NAALADL2: variants seen among roughly 807,000 people sequenced by gnomAD.
NAALADL2 encodes inactive N-acetylated-alpha-linked acidic dipeptidase-like protein 2.
NAALADL2 carries 76 observed loss-of-function variants against 87.2 expected under a neutral mutation model. The ratio of observed to expected loss-of-function variants is 0.87; its 90% confidence interval spans 0.72 to 1.05. The LOEUF (loss-of-function observed/expected upper bound fraction) is 1.05. Ranked by LOEUF, NAALADL2 falls within the 50% of genes least tolerant of loss-of-function variation. The probability of loss-of-function intolerance (pLI) is 0.00; values close to 1 mark genes in which losing one functional copy is unlikely to be tolerated. For missense variants in NAALADL2, 1,089 were observed against 945.8 expected, an observed-to-expected ratio of 1.15 and a Z score of -1.99; for synonymous variants, 354 against 331.0, an observed-to-expected ratio of 1.07 and a Z score of -0.75.
At chr3:175,492,555 G>A (rs539837533) in intron 9 of NAALADL2, among the ~76,000 whole-genome samples, 1 of 152,192 alleles carries the variant, frequency 6.6e-6, no homozygotes, top group Admixed American at 6.5e-5. Flanking sequence ...AGTGCCTTTG[G>A]CAGGGAAACA....
intron 4 of NAALADL2, among the ~76,000 whole-genome samples, chr3:175,302,453 C>T (rs965415124): frequency 4.6e-5 from 7 of 152,082 alleles, no homozygotes; most frequent in African/African-American, 1.7e-4. Context: ...TTTCAATAAA[C>T]TTTTCATACC....
chr3:174,596,747 A>G (rs1560080306), intron 2 of NAALADL2, among the ~76,000 whole-genome samples: 1 of 152,172 alleles, frequency 6.6e-6, no homozygotes, highest in Non-Finnish European at 1.5e-5. Context: ...TTGATGGCTT[A>G]TACCATCTGA....
intron 13 of NAALADL2, among the ~76,000 whole-genome samples, chr3:175,780,471 T>C (rs1485927351): frequency 1.3e-5 from 2 of 151,952 alleles, no homozygotes; most frequent in African/African-American, 4.8e-5. Context: ...AAAATGTACA[T>C]AAAAATAGCA....
At chr3:175,697,867 ATG>A in intron 11 of NAALADL2, among the ~76,000 whole-genome samples, 1 of 117,662 alleles carries the variant, frequency 8.5e-6, no homozygotes, top group Admixed American at 9.2e-5. Context: ...GTATATATGT[ATG>A]TATACATATA....
At position 175,576,207 on chromosome 3, in the gene NAALADL2, G is replaced by T; in HGVS notation, c.1800+20G>T. 1.2e-6 allele frequency: 2 copies of T among 1,606,064 alleles called. No individual in the cohort carries two copies. The highest frequency in any genetic ancestry group is 8.5e-7 in the Non-Finnish European group (1 of 1,176,226). ...TTAGAGGTGATTGTTCCTAAAAAAT[G>T]CAAAACACACACACACAATATAGTA... On this transcript the variant is annotated intron_variant, in intron 10 of 13. Coordinates refer to ENST00000454872, the MANE Select transcript of NAALADL2 (RefSeq NM_207015.3).
intron 9 of NAALADL2, among the ~76,000 whole-genome samples, chr3:175,478,118 T>G (rs1257118316): frequency 6.6e-6 from 1 of 152,044 alleles, no homozygotes; most frequent in Admixed American, 6.6e-5. Context: ...TTTTGGGTTT[T>G]GTTTATATAT....
At chr3:175,327,535 C>T (rs979353772) in intron 5 of NAALADL2, among the ~76,000 whole-genome samples, 13 of 152,016 alleles carry the variant, frequency 8.6e-5, no homozygotes, top group Non-Finnish European at 1.8e-4. Context: ...GTAAAATTTA[C>T]ATAAATTAAA....
At chr3:175,748,286 A>C (rs1746183273) in intron 12 of NAALADL2, among the ~76,000 whole-genome samples, 1 of 152,352 alleles carries the variant, frequency 6.6e-6, no homozygotes, top group South Asian at 2.1e-4. Context: ...TTCATACTAA[A>C]AAAAGCAGCA....
chr3:175,220,088 G>C (rs1743133120), intron 2 of NAALADL2, among the ~76,000 whole-genome samples: 1 of 151,110 alleles, frequency 6.6e-6, no homozygotes, highest in South Asian at 2.1e-4. Context: ...ATGCTACCAG[G>C]TCATAATGCA....
chr3:175,224,498 G>T (rs1224987439), intron 2 of NAALADL2, among the ~76,000 whole-genome samples: 1 of 152,064 alleles, frequency 6.6e-6, no homozygotes, highest in East Asian at 1.9e-4. Flanking sequence ...CAGAGGTTAA[G>T]CCCTCCTTTG....
At chr3:175,614,845 A>C (rs1365798185) in intron 10 of NAALADL2, among the ~76,000 whole-genome samples, 1 of 152,232 alleles carries the variant, frequency 6.6e-6, no homozygotes, top group East Asian at 1.9e-4. Context: ...TAAAACTGGC[A>C]TGACAAAGGC....
At chr3:174,707,346 C>T (rs890695056) in intron 2 of NAALADL2, among the ~76,000 whole-genome samples, 5 of 152,020 alleles carry the variant, frequency 3.3e-5, no homozygotes, top group South Asian at 2.1e-4. Flanking sequence ...CACATGCACA[C>T]GTATGTTTAT....
chr3:174,789,285 A>C (rs1335591593), intron 3 of NAALADL2, among the ~76,000 whole-genome samples: 1 of 152,134 alleles, frequency 6.6e-6, no homozygotes, highest in African/African-American at 2.4e-5. Context: ...TATTTCATTT[A>C]CTTTCCCTGC....
At chr3:174,538,727 T>A (rs1435900440) in intron 1 of NAALADL2, among the ~76,000 whole-genome samples, 1 of 152,154 alleles carries the variant, frequency 6.6e-6, no homozygotes, top group Non-Finnish European at 1.5e-5. Context: ...TATAACCCCT[T>A]ATCTTAATCC....
At chr3:175,110,154 A>G (rs1723941618) in intron 2 of NAALADL2, among the ~76,000 whole-genome samples, 1 of 151,904 alleles carries the variant, frequency 6.6e-6, no homozygotes, top group Admixed American at 6.6e-5. Flanking sequence ...ACGAATAATA[A>G]GAGAAATGTA....
At chr3:174,573,074 G>T (rs1306700173) in intron 2 of NAALADL2, among the ~76,000 whole-genome samples, 1 of 152,020 alleles carries the variant, frequency 6.6e-6, no homozygotes, top group Non-Finnish European at 1.5e-5. Flanking sequence ...GATTACCACC[G>T]CATCACTACC....
At chr3:175,382,285 T>C (rs1017737779) in intron 5 of NAALADL2, among the ~76,000 whole-genome samples, 1 of 152,092 alleles carries the variant, frequency 6.6e-6, no homozygotes, top group Admixed American at 6.6e-5. Flanking sequence ...TCCTTAAAAA[T>C]TGAAGATTTT....
intron 3 of NAALADL2, among the ~76,000 whole-genome samples, chr3:174,850,951 C>A (rs369963058): frequency 6.6e-6 from 1 of 151,922 alleles, no homozygotes; most frequent in Non-Finnish European, 1.5e-5. Context: ...AGAGTTGTAA[C>A]CAGAGAAACT....
At chr3:174,749,724 A>G (rs1734635495) in intron 3 of NAALADL2, among the ~76,000 whole-genome samples, 1 of 152,160 alleles carries the variant, frequency 6.6e-6, no homozygotes, top group Admixed American at 6.6e-5. Context: ...AATCTGGACA[A>G]TGCCATACAA....
Sources: gnomAD v4.1 joint callset for allele counts (sites outside exome capture counted in the v4.1 genomes callset) on GRCh38, gnomAD v4.1.1 for gene constraint, MANE v1.5 for transcripts, NCBI Gene and HGNC (gene_info 2026-07-23, HGNC 2026-07-21) for gene names.